The following CNOT2 variants were observed in gnomAD, a reference collection of about 807,000 sequenced individuals.
CNOT2 encodes the protein CCR4-NOT transcription complex subunit 2.
A neutral mutation model predicts 72.1 loss-of-function variants in CNOT2; 7 were observed. The observed-to-expected ratio is 0.10, with a 90% CI of 0.06 to 0.18. The LOEUF is 0.18. Ranked by LOEUF, CNOT2 falls within the 10% of genes least tolerant of loss-of-function variation. The pLI is 1.00. For synonymous variants in CNOT2, 196 were observed against 225.6 expected, an observed-to-expected ratio of 0.87 and a Z score of 1.17; for missense variants, 345 against 660.3, an observed-to-expected ratio of 0.52 and a Z score of 5.23.
chr12:70,259,386 T>TAATACAAGGTACCCGTTTAC (rs1958630549), intron 1 of CNOT2, among the ~76,000 whole-genome samples: 1 of 152,154 alleles, frequency 6.6e-6, no homozygotes, highest in African/African-American at 2.4e-5. Context: ...GAAGTTTACA[T>TAATACAAGGTACCCGTTTAC]ATAATACAAG....
chr12:70,338,516 C>A lies in CNOT2; in HGVS notation c.974C>A (p.Thr325Lys). Residue 325 changes from threonine (T) to lysine (K), a missense_variant, in exon 10 of 16, where the codon ACA becomes AAA. Thr to Lys is a moderately conservative substitution (Grantham distance 78, BLOSUM62 -1). Transcript: ENST00000229195. ...TTCCCTGGAGATAAAAGTTCAACAACACAAAATAATAACCAGCAGAAAAAA... is the reference window on the plus strand; with the variant it reads ...TTCCCTGGAGATAAAAGTTCAACAAAACAAAATAATAACCAGCAGAAAAAA... ...PKFPGDKSST[T>K]QNNNQQKKGI... 2 of 1,613,178 alleles carry A rather than the reference C, an allele frequency of 1.2e-6. No homozygotes were observed. The highest frequency in any genetic ancestry group is 4.5e-5 in the East Asian group (2 of 44,834).
At chr12:70,268,146 G>A (rs1355999550) in intron 1 of CNOT2, among the ~76,000 whole-genome samples, 1 of 152,056 alleles carries the variant, frequency 6.6e-6, no homozygotes, top group East Asian at 1.9e-4. Context: ...CTTTATAGCA[G>A]GTCTGCTAGC....
At chr12:70,271,653 G>A (rs902073164) in intron 1 of CNOT2, among the ~76,000 whole-genome samples, 3 of 152,060 alleles carry the variant, frequency 2.0e-5, no homozygotes, top group Non-Finnish European at 2.9e-5. Context: ...GATTACAGGC[G>A]TGAGCCACTG....
chr12:70,262,484 C>G (rs1958823502), intron 1 of CNOT2, among the ~76,000 whole-genome samples: 1 of 152,210 alleles, frequency 6.6e-6, no homozygotes, highest in South Asian at 2.1e-4. Flanking sequence ...ACCGTGTTAG[C>G]CACGATGGTC....
In CNOT2 at chr12:70,254,095, G is replaced by A. The variant is rs545297152; in HGVS notation, c.-96+10615G>A. Among the ~76,000 whole-genome samples the A allele has an allele frequency of 7.9e-5, 12 of 152,048 alleles. No homozygotes were observed. The South Asian group carries it at 2.5e-3, about 32-fold the overall frequency. On this transcript the variant is annotated intron_variant, in intron 1 of 15. Coordinates refer to ENST00000229195, the MANE Select transcript of CNOT2 (RefSeq NM_014515.7). ...CTACTAAAAAATACAAAAATTAGCC[G>A]GGAGTGGTGGCACGCGCCTGTAGTC...
At chr12:70,284,642 T>C (rs12308936) in intron 2 of CNOT2, among the ~76,000 whole-genome samples, 2,019 of 150,736 alleles carry the variant, frequency 0.013, 45 homozygotes, top group African/African-American at 0.046. Context: ...CAACCAGTAA[T>C]GTCAAATCAA....
At chr12:70,305,389 G>A (rs187346431) in intron 2 of CNOT2, among the ~76,000 whole-genome samples, 24 of 152,260 alleles carry the variant, frequency 1.6e-4, no homozygotes, top group African/African-American at 5.1e-4. Flanking sequence ...CACCTCCCAC[G>A]GGGTTCCTTC....
chr12:70,251,005 G>C (rs866274311), intron 1 of CNOT2, among the ~76,000 whole-genome samples: 2 of 152,248 alleles, frequency 1.3e-5, no homozygotes, highest in South Asian at 2.1e-4. Flanking sequence ...GAATTGCAGG[G>C]GTTGAGGGGT....
chr12:70,282,634 A>G (rs1431937519), intron 2 of CNOT2, among the ~76,000 whole-genome samples: 1 of 152,172 alleles, frequency 6.6e-6, no homozygotes, highest in East Asian at 1.9e-4. Flanking sequence ...TGTCTCTAAC[A>G]AATGTGTATT....
chr12:70,334,235 A>C (rs533125362), intron 7 of CNOT2, among the ~76,000 whole-genome samples: 254 of 152,168 alleles, frequency 1.7e-3, no homozygotes, highest in African/African-American at 5.9e-3. Context: ...TTATAAATTG[A>C]AACAGGATAT....
intron 8 of CNOT2, 120 bp downstream of exon 8, chr12:70,335,683 A>C (rs1036722227): frequency 1.4e-6 from 1 of 690,816 alleles, no homozygotes; most frequent in East Asian, 2.7e-5. Flanking sequence ...TGCATTTTCT[A>C]ATCAGGTTAG....
At chr12:70,292,064 A>G (rs1015982150) in intron 2 of CNOT2, among the ~76,000 whole-genome samples, 1 of 152,236 alleles carries the variant, frequency 6.6e-6, no homozygotes, top group African/African-American at 2.4e-5. Flanking sequence ...GTACTCCAAA[A>G]CATTTCTTAT....
intron 3 of CNOT2, among the ~76,000 whole-genome samples, chr12:70,318,806 G>A (rs139232598): frequency 1.3e-5 from 2 of 151,634 alleles, no homozygotes; most frequent in Non-Finnish European, 3.0e-5. Context: ...CTCAGCTTCA[G>A]TATTTACTTT....
chr12:70,258,913 G>A (rs1958593793), intron 1 of CNOT2, among the ~76,000 whole-genome samples: 1 of 152,206 alleles, frequency 6.6e-6, no homozygotes, highest in African/African-American at 2.4e-5. Flanking sequence ...AGCAGTATGT[G>A]TGGCTAGAGT....
intron 2 of CNOT2, chr12:70,294,126 G>A: frequency 7.8e-7 from 1 of 1,288,916 alleles, no homozygotes; most frequent in Non-Finnish European, 1.0e-6. Flanking sequence ...ACTGTTTGCT[G>A]GAGTTGAACT....
At chr12:70,353,494 C>A (rs915737192) in intron 15 of CNOT2, among the ~76,000 whole-genome samples, 12 of 151,966 alleles carry the variant, frequency 7.9e-5, no homozygotes, top group African/African-American at 2.9e-4. Flanking sequence ...TTTTAAATAT[C>A]CTGTAATTTC....
chr12:70,271,785 C>T (rs1959268644), intron 1 of CNOT2, among the ~76,000 whole-genome samples: 1 of 152,084 alleles, frequency 6.6e-6, no homozygotes. Flanking sequence ...GGTGAGACAG[C>T]TATTAAAAAA....
At chr12:70,328,735 A>G (rs753062367) in intron 4 of CNOT2, among the ~76,000 whole-genome samples, 4 of 151,066 alleles carry the variant, frequency 2.6e-5, no homozygotes, top group Non-Finnish European at 4.4e-5. Context: ...AAAAAAACCT[A>G]TTAGAATGTA....
At chr12:70,312,300 G>C (rs939161120) in intron 3 of CNOT2, among the ~76,000 whole-genome samples, 2 of 151,876 alleles carry the variant, frequency 1.3e-5, no homozygotes, top group African/African-American at 4.8e-5. Flanking sequence ...TATCGCCGCA[G>C]AAACGAAAAC....
Sources: gnomAD v4.1 joint callset for allele counts (sites outside exome capture counted in the v4.1 genomes callset) on GRCh38, gnomAD v4.1.1 for gene constraint, MANE v1.5 for transcripts, NCBI Gene and HGNC (gene_info 2026-07-23, HGNC 2026-07-21) for gene names.